Variants in AFG1L observed in about 807,000 individuals in gnomAD.
AFG1L encodes the protein AFG1-like ATPase.
Under a neutral mutation model 62.2 loss-of-function variants are expected in AFG1L, and 53 were observed. The observed-to-expected ratio is 0.85, with a 90% CI of 0.68 to 1.07. The LOEUF (loss-of-function observed/expected upper bound fraction) is 1.07. AFG1L is among the 50% of genes least tolerant of loss of function. AFG1L has a pLI of 0.00. For synonymous variants in AFG1L, 228 were observed against 210.3 expected (o/e 1.08, Z -0.73); for missense variants, 555 against 590.5 (o/e 0.94, Z 0.62).
chr6:108,395,401 T>C (rs1239633375), intron 6 of AFG1L, among the ~76,000 whole-genome samples: 3 of 123,026 alleles, frequency 2.4e-5, no homozygotes, highest in Non-Finnish European at 3.5e-5. Context: ...TTCTTTTCTT[T>C]TCTTTTTTTT....
intron 1 of AFG1L, among the ~76,000 whole-genome samples, chr6:108,301,364 G>A (rs1276497831): frequency 6.6e-6 from 1 of 152,192 alleles, no homozygotes; most frequent in Non-Finnish European, 1.5e-5. Context: ...GAGTTCAAAT[G>A]CCTCTGACAT....
At chr6:108,431,982 C>A (rs1042637649) in intron 7 of AFG1L, among the ~76,000 whole-genome samples, 9 of 150,452 alleles carry the variant, frequency 6.0e-5, no homozygotes, top group Admixed American at 4.0e-4. Context: ...CCCTACAACT[C>A]TCTGTGCTGG....
chr6:108,359,935 CT>C (rs1255461139), intron 5 of AFG1L: 1 of 152,324 alleles, frequency 6.6e-6, no homozygotes, highest in South Asian at 2.1e-4. Context: ...TTGCTCCCAT[CT>C]GCTATGTGAA....
At chr6:108,375,398 T>C (rs985542306) in intron 6 of AFG1L, among the ~76,000 whole-genome samples, 5 of 152,160 alleles carry the variant, frequency 3.3e-5, no homozygotes, top group Non-Finnish European at 7.4e-5. Context: ...TCCTTTCTTA[T>C]TCCAGTTCTC....
chr6:108,510,984 G>A (rs1320097534), intron 11 of AFG1L, among the ~76,000 whole-genome samples: 1 of 151,984 alleles, frequency 6.6e-6, no homozygotes, highest in South Asian at 2.1e-4. Flanking sequence ...GGCTAAGGTG[G>A]GAGGATTGCT....
intron 11 of AFG1L, among the ~76,000 whole-genome samples, chr6:108,514,381 C>T (rs969952085): frequency 1.3e-5 from 2 of 152,170 alleles, no homozygotes; most frequent in East Asian, 1.9e-4. Context: ...CCCAGAATTT[C>T]ATATCCAGCC....
intron 8 of AFG1L, among the ~76,000 whole-genome samples, chr6:108,469,004 C>G (rs1048949306): frequency 3.9e-5 from 6 of 152,000 alleles, no homozygotes; most frequent in Admixed American, 3.3e-4. Context: ...CTCCAGGGTC[C>G]TTTTAAAAAT....
At chr6:108,402,255 G>A (rs1781654780) in intron 7 of AFG1L, among the ~76,000 whole-genome samples, 1 of 152,014 alleles carries the variant, frequency 6.6e-6, no homozygotes, top group African/African-American at 2.4e-5. Context: ...ACAAGGTCAG[G>A]AGTTCAAGAC....
At chr6:108,382,987 C>A (rs898986604) in intron 6 of AFG1L, among the ~76,000 whole-genome samples, 1 of 152,098 alleles carries the variant, frequency 6.6e-6, no homozygotes, top group Non-Finnish European at 1.5e-5. Context: ...CCTTATAATC[C>A]CATCACTTTG....
At chr6:108,321,098 G>C (rs1777796641) in intron 1 of AFG1L, among the ~76,000 whole-genome samples, 1 of 152,118 alleles carries the variant, frequency 6.6e-6, no homozygotes, top group African/African-American at 2.4e-5. Flanking sequence ...ACAAGTAAAA[G>C]GGCTCAGTCC....
intron 7 of AFG1L, among the ~76,000 whole-genome samples, chr6:108,422,477 C>CAAAAAGAAAAAAAA (rs1554196475): frequency 2.2e-5 from 1 of 45,798 alleles, no homozygotes; most frequent in Non-Finnish European, 3.7e-5. Context: ...TAGTCCTCAG[C>CAAAAAGAAAAAAAA]AAAAAAAAAA....
intron 1 of AFG1L, among the ~76,000 whole-genome samples, chr6:108,307,310 C>T (rs1777237584): frequency 6.6e-6 from 1 of 152,082 alleles, no homozygotes; most frequent in Admixed American, 6.6e-5. Flanking sequence ...CCGCATACGG[C>T]CTAAAAATAA....
chr6:108,404,886 C>G (rs1781784548), intron 7 of AFG1L, among the ~76,000 whole-genome samples: 1 of 152,006 alleles, frequency 6.6e-6, no homozygotes, highest in African/African-American at 2.4e-5. Context: ...CACACCACCA[C>G]ACCAGGCTAA....
chr6:108,355,512 C>T (rs1489533250), intron 3 of AFG1L, 142 bp from the exon 4 acceptor site: 1 of 457,298 alleles, frequency 2.2e-6, no homozygotes, highest in African/African-American at 2.0e-5. Flanking sequence ...ACAAAGTAAG[C>T]TCCCCCTTCT....
chr6:108,417,107 G>A, intron 7 of AFG1L, among the ~76,000 whole-genome samples: 1 of 151,546 alleles, frequency 6.6e-6, no homozygotes, highest in Non-Finnish European at 1.5e-5. Flanking sequence ...GGTGGTGCAT[G>A]CCTGTGGTCC....
intron 10 of AFG1L, among the ~76,000 whole-genome samples, chr6:108,495,142 C>T (rs541836701): frequency 9.9e-5 from 15 of 152,154 alleles, no homozygotes; most frequent in African/African-American, 2.9e-4. Flanking sequence ...AACATCAATT[C>T]GTGTGATATT....
chr6:108,305,666 C>T (rs1777174623), intron 1 of AFG1L, among the ~76,000 whole-genome samples: 1 of 152,122 alleles, frequency 6.6e-6, no homozygotes, highest in African/African-American at 2.4e-5. Flanking sequence ...CTTCTGGGCT[C>T]AAGCAGTGCG....
chr6:108,428,612 A>G (rs1167794153), intron 7 of AFG1L, among the ~76,000 whole-genome samples: 1 of 152,090 alleles, frequency 6.6e-6, no homozygotes, highest in Admixed American at 6.6e-5. Flanking sequence ...ACTGACATCT[A>G]TTGTTTTTTG....
intron 7 of AFG1L, among the ~76,000 whole-genome samples, chr6:108,433,271 G>A (rs1582579748): frequency 1.3e-5 from 2 of 150,940 alleles, no homozygotes; most frequent in East Asian, 1.9e-4. Context: ...CTTTATTATT[G>A]TTATTATTAT....
Sources: gnomAD v4.1 joint callset for allele counts (sites outside exome capture counted in the v4.1 genomes callset) on GRCh38, gnomAD v4.1.1 for gene constraint, MANE v1.5 for transcripts, NCBI Gene and HGNC (gene_info 2026-07-23, HGNC 2026-07-21) for gene names.